GALNT1: variants seen among roughly 807,000 people sequenced by gnomAD.
GALNT1 encodes GalNAc transferase 1.
GALNT1 carries 17 observed loss-of-function variants against 65.7 expected under a neutral mutation model. The ratio of observed to expected loss-of-function variants is 0.26; its 90% confidence interval spans 0.18 to 0.39. The LOEUF is 0.39. GALNT1 is among the 10% of genes least tolerant of loss of function. GALNT1 has a pLI of 1.00. For synonymous variants in GALNT1, 210 were observed against 219.7 expected, an observed-to-expected ratio of 0.96 and a Z score of 0.39; for missense variants, 460 against 672.8, an observed-to-expected ratio of 0.68 and a Z score of 3.50.
chr18:35,701,221 G>A (rs944810768), intron 9 of GALNT1, among the ~76,000 whole-genome samples: 1 of 152,124 alleles, frequency 6.6e-6, no homozygotes, highest in African/African-American at 2.4e-5. Context: ...ACAGGCGTGA[G>A]CCACCATGCC....
chr18:35,702,004 C>A (rs562970352), intron 9 of GALNT1, among the ~76,000 whole-genome samples: 2 of 152,174 alleles, frequency 1.3e-5, no homozygotes, highest in East Asian at 1.9e-4. Context: ...ATTACCCCCC[C>A]AGTTCCTGAT....
At chr18:35,628,507 C>G (rs1331616707) in intron 1 of GALNT1, among the ~76,000 whole-genome samples, 1 of 152,216 alleles carries the variant, frequency 6.6e-6, no homozygotes, top group African/African-American at 2.4e-5. Context: ...GCTGAGGGTC[C>G]TGACTGTTAG....
At chr18:35,689,884 T>TTATAGTGGAAATCACAC (rs1347398543) in intron 7 of GALNT1, among the ~76,000 whole-genome samples, 1 of 152,190 alleles carries the variant, frequency 6.6e-6, no homozygotes, top group East Asian at 1.9e-4. Context: ...ACATAGCTTA[T>TTATAGTGGAAATCACAC]TATAGTGGAA....
chr18:35,604,316 C>G (rs548959752), intron 1 of GALNT1, among the ~76,000 whole-genome samples: 1 of 152,312 alleles, frequency 6.6e-6, no homozygotes, highest in East Asian at 1.9e-4. Context: ...ATCCAGTCAA[C>G]TGCTGATGAT....
chr18:35,688,386 ATTT>A (rs148495317), intron 6 of GALNT1, among the ~76,000 whole-genome samples: 2,352 of 151,992 alleles, frequency 0.015, 25 homozygotes, highest in African/African-American at 0.026. Flanking sequence ...CCTGTAACTT[ATTT>A]TTTTCTCCTG....
Position 35,683,556 on chromosome 18 carries a change from T to G in GALNT1, c.647T>G (p.Val216Gly). ...CTGGATGCCCATTGTGAGTGTACAG[T>G]GGGATGGCTGGAGCCTCTCTTGGCC... ...TFLDAHCECT[V>G]GWLEPLLARI... Residue 216 changes from valine to glycine, a missense_variant, in exon 5 of 12, where the codon GTG becomes GGG. Transcript: ENST00000269195. The G allele has an allele frequency of 6.2e-7, 1 of 1,613,708 alleles. No homozygotes were observed. The highest frequency in any genetic ancestry group is 8.5e-7 in the Non-Finnish European group (1 of 1,179,752).
intron 1 of GALNT1, among the ~76,000 whole-genome samples, chr18:35,637,673 C>T (rs1386895826): frequency 1.3e-5 from 2 of 152,142 alleles, no homozygotes; most frequent in African/African-American, 2.4e-5. Context: ...TAGCTAAGAC[C>T]GTTGATGAAG....
intron 1 of GALNT1, among the ~76,000 whole-genome samples, chr18:35,642,059 C>T (rs1435319504): frequency 1.3e-5 from 2 of 152,160 alleles, no homozygotes; most frequent in Non-Finnish European, 2.9e-5. Context: ...TTGCAACAGA[C>T]ATTGCATGAC....
In GALNT1 at chr18:35,687,035, A is replaced by G; in HGVS notation, c.709A>G (p.Ile237Val). The change falls in exon 6 of 12, where the codon ATC becomes GTC. Residue 237 changes from isoleucine to valine, a missense_variant. Physicochemically the swap from Ile to Val is conservative, Grantham distance 29. Transcript: ENST00000269195. The part of the protein sequence containing the change: ...KHDRRTVVCP[I>V]IDVISDDTFE... ...CATCAGGAGAACAGTGGTGTGTCCC[A>G]TCATCGATGTGATCAGTGATGATAC... The G allele has an allele frequency of 6.2e-7, 1 of 1,613,046 alleles. No individual in the cohort carries two copies. Among genetic ancestry groups the G allele is most frequent in the East Asian group, 2.2e-5 (1 of 44,836 alleles).
At chr18:35,592,596 G>C (rs1413526041) in intron 1 of GALNT1, among the ~76,000 whole-genome samples, 1 of 152,138 alleles carries the variant, frequency 6.6e-6, no homozygotes, top group African/African-American at 2.4e-5. Context: ...GCTGTTGAAA[G>C]GTTTTGAGTA....
At chr18:35,662,200 T>C (rs1276459220) in intron 2 of GALNT1, among the ~76,000 whole-genome samples, 1 of 152,212 alleles carries the variant, frequency 6.6e-6, no homozygotes, top group South Asian at 2.1e-4. Context: ...ATTTTTGTCA[T>C]TGAGAATTTT....
At chr18:35,659,119 C>T (rs2047439860) in intron 2 of GALNT1, among the ~76,000 whole-genome samples, 1 of 152,142 alleles carries the variant, frequency 6.6e-6, no homozygotes, top group Non-Finnish European at 1.5e-5. Context: ...TCCAGAGTGA[C>T]TTTTTCATAT....
rs779812104 is a variant in GALNT1, at chr18:35,663,716, A to G, written c.228A>G (p.Lys76=). 1.2e-6 allele frequency: 2 copies of G among 1,613,944 alleles called. No individual in the cohort carries two copies. Among genetic ancestry groups the G allele is most frequent in the Admixed American group, 1.7e-5 (1 of 60,008 alleles). Residue 76 remains lysine, a synonymous_variant, in exon 3 of 12, where the codon AAA becomes AAG. Transcript: ENST00000269195. ...VIPKEDQEKM[K]EMFKINQFNL... ...CTAAAGAGGATCAAGAAAAGATGAAAGAGATGTTTAAAATCAATCAGTTCA... is the reference window on the plus strand; with the variant it reads ...CTAAAGAGGATCAAGAAAAGATGAAGGAGATGTTTAAAATCAATCAGTTCA...
intron 9 of GALNT1, among the ~76,000 whole-genome samples, chr18:35,692,538 G>A (rs182096731): frequency 4.6e-5 from 7 of 151,492 alleles, no homozygotes; most frequent in Admixed American, 2.0e-4. Context: ...GAGTTGATGC[G>A]CCTGGAGATA....
At chr18:35,678,099 G>C (rs550082379) in intron 4 of GALNT1, among the ~76,000 whole-genome samples, 2 of 152,260 alleles carry the variant, frequency 1.3e-5, no homozygotes, top group African/African-American at 4.8e-5. Flanking sequence ...TCAGTAGAGA[G>C]AGACTGGATT....
chr18:35,642,164 G>C (rs145646436), intron 1 of GALNT1, among the ~76,000 whole-genome samples: 2 of 152,304 alleles, frequency 1.3e-5, no homozygotes, highest in African/African-American at 4.8e-5. Flanking sequence ...CGTACTAGTA[G>C]ACATGTTCAG....
At chr18:35,585,551 A>G (rs898102273) in intron 1 of GALNT1, among the ~76,000 whole-genome samples, 2 of 152,240 alleles carry the variant, frequency 1.3e-5, no homozygotes, top group African/African-American at 4.8e-5. Flanking sequence ...TGTAATAGTC[A>G]CATTGAAACA....
chr18:35,693,862 G>A (rs372118894), intron 9 of GALNT1, among the ~76,000 whole-genome samples: 2 of 152,286 alleles, frequency 1.3e-5, no homozygotes, highest in East Asian at 1.9e-4. Context: ...AAAATGTTAA[G>A]TATGAGAGAG....
At chr18:35,669,810 G>A (rs1246933826) in intron 3 of GALNT1, among the ~76,000 whole-genome samples, 3 of 152,126 alleles carry the variant, frequency 2.0e-5, no homozygotes, top group Non-Finnish European at 4.4e-5. Flanking sequence ...TCTGTTCAGT[G>A]TCTTACTGGA....
Sources: allele counts gnomAD v4.1 joint callset (sites outside exome capture counted in the v4.1 genomes callset), GRCh38; gene constraint gnomAD v4.1.1; transcripts MANE v1.5; gene names NCBI Gene and HGNC (gene_info 2026-07-23, HGNC 2026-07-21).